Variants in USP3 observed in about 807,000 individuals in gnomAD.
USP3 encodes ubiquitin carboxyl-terminal hydrolase 3.
Under a neutral mutation model 72.3 loss-of-function variants are expected in USP3, and 20 were observed. That is an observed-to-expected ratio of 0.28 (90% CI 0.19 to 0.40). The LOEUF is 0.40. Among genes scored for constraint, USP3 ranks in the 10% least tolerant of loss-of-function variants. USP3 has a pLI of 1.00. For missense variants in USP3, 479 were observed against 633.9 expected, an observed-to-expected ratio of 0.76 and a Z score of 2.62; for synonymous variants, 222 against 225.3, an observed-to-expected ratio of 0.99 and a Z score of 0.13.
chr15:63,568,678 T>G (rs540454177), intron 8 of USP3, among the ~76,000 whole-genome samples: 24 of 152,328 alleles, frequency 1.6e-4, no homozygotes, highest in African/African-American at 5.5e-4. Flanking sequence ...AATAAAATAT[T>G]AAGGCTTTCA....
chr15:63,519,362 T>C (rs2065889435), intron 1 of USP3, among the ~76,000 whole-genome samples: 1 of 151,926 alleles, frequency 6.6e-6, no homozygotes, highest in Non-Finnish European at 1.5e-5. Context: ...AACATCATAA[T>C]GTCTTGTTAT....
chr15:63,572,275 A>G (rs1164721479), intron 9 of USP3, among the ~76,000 whole-genome samples: 3 of 152,216 alleles, frequency 2.0e-5, no homozygotes. Context: ...TTGAGTCTAA[A>G]TGTAATTCTT....
rs754082267 is a variant in USP3 at position 63,588,314 on chromosome 15, G to A, written c.1106G>A (p.Arg369His). 6 of 1,592,828 alleles carry A rather than the reference G, an allele frequency of 3.8e-6. No homozygotes were observed. Among genetic ancestry groups the A allele is most frequent in the Admixed American group, 3.8e-5 (2 of 53,218 alleles). The change falls in exon 12 of 15, where the codon CGC (arginine) becomes CAC (histidine). Residue 369 changes from arginine to histidine, a missense_variant. By Grantham distance (29) the Arg-to-His change is conservative. Transcript: ENST00000380324. This position sits in a 1 kb window ranked among gnomAD's most constrained non-coding sequence, Gnocchi z 4.6. The stretch of plus-strand genomic sequence containing the variant: ...AAATCAATTTGTTTAGATTGTCTTC[G>A]CAGTTTTACCGACTTAGAAGAACTT... ...GPVCSLRDCL[R>H]SFTDLEELDE...
In USP3 at chr15:63,553,303, T is replaced by C. The variant is rs1158268780; in HGVS notation, c.285-412T>C. ...ACCTCTTCCCTGCTTTTCACTTAAA[T>C]CTCTCCTTCCCCCAATTCCCCATTA... On this transcript the variant is annotated intron_variant, in intron 3 of 14. Transcript: ENST00000380324. This position sits in a 1 kb window ranked among gnomAD's most constrained non-coding sequence, Gnocchi z 4.2. 6.5e-6 allele frequency: 1 copy of C among 153,312 alleles called. No individual in the cohort carries two copies. Among genetic ancestry groups the C allele is most frequent in the Non-Finnish European group, 1.5e-5 (1 of 68,876 alleles). The allele number at this position is 153,312 out of a possible 1,614,324, so 9.5% of individuals were successfully genotyped here. A position where few individuals can be genotyped will look rare whatever the true frequency, so the allele number is the denominator to read the frequency against.
intron 5 of USP3, 56 bp downstream of exon 5, chr15:63,556,804 TTG>T: frequency 8.4e-7 from 1 of 1,188,346 alleles, no homozygotes; most frequent in Non-Finnish European, 1.2e-6. Flanking sequence ...AATCACTGTT[TTG>T]TTACAACTCT....
intron 8 of USP3, among the ~76,000 whole-genome samples, chr15:63,565,303 C>T (rs1234109998): frequency 6.6e-6 from 1 of 151,964 alleles, no homozygotes; most frequent in African/African-American, 2.4e-5. Flanking sequence ...TCTTTTTTTT[C>T]CCCACTGAAA....
intron 11 of USP3, among the ~76,000 whole-genome samples, chr15:63,580,181 C>G (rs1168932691): frequency 6.6e-6 from 1 of 151,978 alleles, no homozygotes; most frequent in Non-Finnish European, 1.5e-5. Flanking sequence ...AACATAGCTA[C>G]AAAATATTGT....
At position 63,594,174 on chromosome 15, in the gene USP3, T is replaced by C. The variant is rs952948175; in HGVS notation, c.*3348T>C. ...TTCATTGGTTTAGTGTACATAAGTC[T>C]ATTTAGATACACTTATCCCACTTTA... On this transcript the variant is annotated 3_prime_UTR_variant, in exon 15 of 15. Coordinates refer to ENST00000380324, the MANE Select transcript of USP3 (RefSeq NM_006537.4). 1.3e-5 allele frequency: 2 copies of C among 152,260 alleles called. No individual in the cohort carries two copies. Among genetic ancestry groups the C allele is most frequent in the African/African-American group, 4.8e-5 (2 of 41,462 alleles). 9.4% of individuals were successfully genotyped at this position (152,260 alleles called of 1,614,324 possible).
intron 1 of USP3, among the ~76,000 whole-genome samples, chr15:63,518,394 C>G (rs1042056508): frequency 5.9e-5 from 9 of 152,116 alleles, no homozygotes; most frequent in African/African-American, 2.2e-4. Context: ...TTTTATTGGA[C>G]TAGCTCATCA....
chr15:63,576,327 C>G (rs908288506), intron 11 of USP3, among the ~76,000 whole-genome samples: 2 of 152,132 alleles, frequency 1.3e-5, no homozygotes, highest in Non-Finnish European at 2.9e-5. Flanking sequence ...TTAGTAAATC[C>G]AGATGATCTT....
intron 6 of USP3, among the ~76,000 whole-genome samples, 161 bp downstream of exon 6, chr15:63,558,349 G>C (rs995015964): frequency 6.6e-6 from 1 of 152,066 alleles, no homozygotes; most frequent in South Asian, 2.1e-4. Context: ...GGGGACAGTA[G>C]TTCCTACCTC....
At chr15:63,542,261 A>G (rs2066255930) in intron 3 of USP3, 1 of 901,364 alleles carries the variant, frequency 1.1e-6, no homozygotes, top group Non-Finnish European at 1.3e-6. Context: ...GAGCAATTGA[A>G]TGTGGCTAGT....
intron 11 of USP3, among the ~76,000 whole-genome samples, chr15:63,578,461 AATT>A (rs1167181259): frequency 6.6e-6 from 1 of 151,564 alleles, no homozygotes; most frequent in Non-Finnish European, 1.5e-5. Context: ...AAAAAAAAAA[AATT>A]AGCTGGGCAT....
chr15:63,521,026 A>G (rs1406149301), intron 1 of USP3, among the ~76,000 whole-genome samples: 1 of 152,026 alleles, frequency 6.6e-6, no homozygotes, highest in South Asian at 2.1e-4. Flanking sequence ...CCTGTAGACA[A>G]CCAATTTCAT....
intron 1 of USP3, among the ~76,000 whole-genome samples, chr15:63,509,934 A>G (rs1434500491): frequency 1.3e-5 from 2 of 152,226 alleles, no homozygotes; most frequent in African/African-American, 2.4e-5. Context: ...AATAGTGTAT[A>G]CAGAACATCC....
At chr15:63,545,980 A>AAC (rs1555445936) in intron 3 of USP3, among the ~76,000 whole-genome samples, 38 of 150,210 alleles carry the variant, frequency 2.5e-4, no homozygotes, top group South Asian at 1.9e-3. Flanking sequence ...CAAAAAAAAA[A>AAC]AAAAAAAAAA....
chr15:63,556,077 G>A (rs55988200), intron 4 of USP3, among the ~76,000 whole-genome samples: 2,475 of 152,146 alleles, frequency 0.016, 68 homozygotes, highest in African/African-American at 0.057. Flanking sequence ...GAAAAATTTT[G>A]AGTGATTTTA....
intron 3 of USP3, among the ~76,000 whole-genome samples, chr15:63,548,236 C>T (rs1209459221): frequency 6.9e-6 from 1 of 144,202 alleles, no homozygotes; most frequent in Non-Finnish European, 1.5e-5. Context: ...TTCAAGTGAT[C>T]TTCCCACCTC....
chr15:63,590,255 TTGTG>T (rs1328889924), intron 14 of USP3, among the ~76,000 whole-genome samples: 1 of 151,948 alleles, frequency 6.6e-6, no homozygotes, highest in Non-Finnish European at 1.5e-5. Context: ...GACTCCAGGG[TTGTG>T]TGTGTGAGTG....
Sources: allele counts gnomAD v4.1 joint callset (sites outside exome capture counted in the v4.1 genomes callset), GRCh38; gene constraint gnomAD v4.1.1; non-coding constraint Gnocchi (gnomAD v3.1); transcripts MANE v1.5; gene names NCBI Gene and HGNC (gene_info 2026-07-23, HGNC 2026-07-21).